KLF13: variants seen among roughly 807,000 people sequenced by gnomAD.
The protein encoded by KLF13 is KLF transcription factor 13.
In KLF13, 8 loss-of-function variants were observed where a neutral mutation model predicts 16.7. The observed-to-expected ratio is 0.48, with a 90% CI of 0.28 to 0.87. The LOEUF (loss-of-function observed/expected upper bound fraction) is 0.87. Ranked by LOEUF, KLF13 falls within the 40% of genes least tolerant of loss-of-function variation. The pLI, the probability that KLF13 is intolerant of heterozygous loss-of-function variation, is 0.10. For synonymous variants in KLF13, 245 were observed against 208.4 expected, an observed-to-expected ratio of 1.18 and a Z score of -1.51; for missense variants, 447 against 452.2, an observed-to-expected ratio of 0.99 and a Z score of 0.10.
exon 3 of KLF13, chr15:31,404,409 C>CAGCACTCTGT (rs2040085108): frequency 6.6e-6 from 1 of 152,126 alleles, no homozygotes; most frequent in Non-Finnish European, 1.5e-5. Context: ...ATGCACAAAT[C>CAGCACTCTGT]AGCACTCTGT....
exon 1 of KLF13, chr15:31,393,152 C>T (rs2039898511): frequency 6.6e-6 from 1 of 152,444 alleles, no homozygotes; most frequent in South Asian, 2.1e-4. Flanking sequence ...GATCCCACCC[C>T]ACCTGGCACC....
At chr15:31,424,906 A>ACACACACAG (rs1566849363) in intron 1 of KLF13, among the ~76,000 whole-genome samples, 1 of 48,520 alleles carries the variant, frequency 2.1e-5, no homozygotes, top group Non-Finnish European at 4.8e-5. Context: ...CACACACACA[A>ACACACACAG]AGCTCTTAGA....
At chr15:31,405,403 T>C (rs368212741), downstream of KLF13, among the ~76,000 whole-genome samples, 17 of 152,340 alleles carry the variant, frequency 1.1e-4, no homozygotes, top group East Asian at 2.7e-3. Context: ...GACTGCGGTC[T>C]ACGAACCAGG....
At chr15:31,352,177 G>T (rs556692043) in intron 1 of KLF13, among the ~76,000 whole-genome samples, 11 of 152,224 alleles carry the variant, frequency 7.2e-5, no homozygotes, top group Non-Finnish European at 1.3e-4. Context: ...GGGAGCTTCA[G>T]ACTGTTCCGA....
intron 2 of KLF13, among the ~76,000 whole-genome samples, chr15:31,399,018 C>T (rs553456952): frequency 6.2e-4 from 94 of 152,338 alleles, no homozygotes; most frequent in African/African-American, 2.2e-3. Context: ...GTGCGAGCCC[C>T]TTATCCTGCC....
intron 2 of KLF13, among the ~76,000 whole-genome samples, chr15:31,401,922 T>C (rs2040042804): frequency 6.6e-6 from 1 of 152,204 alleles, no homozygotes; most frequent in Non-Finnish European, 1.5e-5. Flanking sequence ...CACGCAAGCC[T>C]GCCTAGAGTC....
At chr15:31,416,060 C>T (rs8042543) in intron 1 of KLF13, among the ~76,000 whole-genome samples, 28,965 of 151,974 alleles carry the variant, frequency 0.19, 3,126 homozygotes, top group East Asian at 0.31. Context: ...CAACAAGTTA[C>T]GTAACAACAA....
intron 1 of KLF13, among the ~76,000 whole-genome samples, chr15:31,358,473 G>A (rs948941006): frequency 1.4e-4 from 21 of 152,166 alleles, no homozygotes; most frequent in South Asian, 1.2e-3. Flanking sequence ...GTGATATCTC[G>A]TTGTAATTTG....
chr15:31,433,868 C>T (rs1323855343), intron 1 of KLF13, among the ~76,000 whole-genome samples: 3 of 152,218 alleles, frequency 2.0e-5, no homozygotes, highest in Non-Finnish European at 4.4e-5. Context: ...CCGCTCTTGC[C>T]CCTCCTGCAA....
chr15:31,331,970 G>T (rs185704597), intron 1 of KLF13, among the ~76,000 whole-genome samples: 2 of 152,340 alleles, frequency 1.3e-5, no homozygotes, highest in African/African-American at 2.4e-5. Flanking sequence ...TTTCACAGCC[G>T]CATGGTATTC....
intron 1 of KLF13, among the ~76,000 whole-genome samples, chr15:31,384,184 A>G (rs1315949856): frequency 1.3e-5 from 2 of 152,214 alleles, no homozygotes; most frequent in Non-Finnish European, 2.9e-5. Context: ...CATGCCTGTA[A>G]TCCCAGCACT....
intron 1 of KLF13, among the ~76,000 whole-genome samples, chr15:31,423,107 GTATACGTATA>G (rs1374809943): frequency 1.9e-4 from 5 of 26,394 alleles, no homozygotes; most frequent in African/African-American, 8.0e-4. Flanking sequence ...ATACGTATAC[GTATACGTATA>G]TATACGTATA....
chr15:31,372,423 A>G lies in KLF13; in HGVS notation c.*124A>G. The G allele has an allele frequency of 3.7e-6, 4 of 1,075,316 alleles. No individual in the cohort carries two copies. The highest frequency in any genetic ancestry group is 5.0e-6 in the Non-Finnish European group (4 of 808,064). 66.6% of individuals were successfully genotyped at this position (1,075,316 alleles called of 1,614,324 possible). A position where few individuals can be genotyped will look rare whatever the true frequency, so the allele number is the denominator to read the frequency against. ...ACGAAAAAACAATTTTTTTCACCTC[A>G]GGTGTCAAAGTAAATTTGTTAAAAA... On this transcript the variant is annotated 3_prime_UTR_variant, in exon 2 of 2. Coordinates refer to ENST00000307145, the MANE Select transcript of KLF13 (RefSeq NM_015995.4).
chr15:31,355,346 A>G (rs1208338595), intron 1 of KLF13, among the ~76,000 whole-genome samples: 1 of 152,200 alleles, frequency 6.6e-6, no homozygotes, highest in East Asian at 1.9e-4. Context: ...AGGAGAAGAA[A>G]GTGATGCTCT....
At chr15:31,413,566 T>C (rs1208156808) in intron 1 of KLF13, among the ~76,000 whole-genome samples, 2 of 152,214 alleles carry the variant, frequency 1.3e-5, no homozygotes, top group Non-Finnish European at 2.9e-5. Context: ...AAATAACATA[T>C]TTGAAGTGTT....
chr15:31,392,045 C>T (rs2039879096), upstream of KLF13, among the ~76,000 whole-genome samples: 1 of 151,946 alleles, frequency 6.6e-6, no homozygotes, highest in Non-Finnish European at 1.5e-5. Flanking sequence ...AGCGAGCGGC[C>T]AGACCCGCCA....
In KLF13 at chr15:31,373,183, CT is replaced by C. The variant is rs1216023193; in HGVS notation, c.*886del. 6.6e-6 allele frequency: 1 copy of C among 152,240 alleles called. No individual in the cohort carries two copies. Among genetic ancestry groups the C allele is most frequent in the Non-Finnish European group, 1.5e-5 (1 of 68,038 alleles). The allele number at this position is 152,240 out of a possible 1,614,324, so 9.4% of individuals were successfully genotyped here. On this transcript the variant is annotated 3_prime_UTR_variant, in exon 2 of 2. Transcript: ENST00000307145. Reference sequence around the variant, plus strand: ...TGGGCCTCTGATGGGGAATTCTGGTCTTCTAAAAAGATGTTAGAAATTCCTG... The same window carrying C: ...TGGGCCTCTGATGGGGAATTCTGGTCTCTAAAAAGATGTTAGAAATTCCTG...
chr15:31,423,144 C>T (rs867822574), intron 1 of KLF13, among the ~76,000 whole-genome samples: 1 of 89,416 alleles, frequency 1.1e-5, no homozygotes, highest in Non-Finnish European at 1.9e-5. Flanking sequence ...TATACGTATA[C>T]GTATATATAC....
intron 1 of KLF13, among the ~76,000 whole-genome samples, chr15:31,361,827 C>T (rs1343683818): frequency 7.3e-6 from 1 of 137,006 alleles, no homozygotes; most frequent in Admixed American, 7.4e-5. Context: ...CACCCCCCAC[C>T]CCAGACGTCA....
Sources: allele counts gnomAD v4.1 joint callset (sites outside exome capture counted in the v4.1 genomes callset), GRCh38; gene constraint gnomAD v4.1.1; transcripts MANE v1.5; gene names NCBI Gene and HGNC (gene_info 2026-07-23, HGNC 2026-07-21).